The following UBE2G2 variants were observed in gnomAD, a reference collection of about 807,000 sequenced individuals.
UBE2G2 encodes the protein ubiquitin conjugating enzyme E2 G2, also known as ubiquitin-conjugating enzyme E2 G2.
UBE2G2 carries 10 observed loss-of-function variants against 23.0 expected under a neutral mutation model. The ratio of observed to expected loss-of-function variants is 0.43; its 90% confidence interval spans 0.27 to 0.74. The LOEUF (loss-of-function observed/expected upper bound fraction) is 0.74. Ranked by LOEUF, UBE2G2 falls within the 30% of genes least tolerant of loss-of-function variation. The pLI is 0.19. For missense variants in UBE2G2, 150 were observed against 218.3 expected (o/e 0.69, Z 1.97); for synonymous variants, 86 against 81.3 (o/e 1.06, Z -0.31).
In UBE2G2 at chr21:44,775,994, T is replaced by C. The variant is rs139650786; in HGVS notation, c.244+1305A>G. Among the ~76,000 whole-genome samples, 589 of 152,212 alleles carry C rather than the reference T, an allele frequency of 3.9e-3. 4 individuals carry two copies. The highest frequency in any genetic ancestry group is 0.012 in the African/African-American group (509 of 41,516). On this transcript the variant is annotated intron_variant, in intron 4 of 5. Coordinates refer to ENST00000345496, the MANE Select transcript of UBE2G2 (RefSeq NM_003343.6). ...TTGAGATAAGAAAAGAAGTACCAAA[T>C]GGTCTCTCTCAGGCAGCCGCCCACT...
intron 1 of UBE2G2, among the ~76,000 whole-genome samples, chr21:44,795,715 G>T (rs1258861185): frequency 6.6e-6 from 1 of 151,926 alleles, no homozygotes; most frequent in Non-Finnish European, 1.5e-5. Context: ...TGGGGCAACG[G>T]GAACACTTAA....
At chr21:44,779,255 C>T in intron 3 of UBE2G2, 1 of 427,886 alleles carries the variant, frequency 2.3e-6, no homozygotes, top group African/African-American at 2.1e-5. Flanking sequence ...GCAGTGATTG[C>T]TTCATGGAGA....
chr21:44,787,866 T>C (rs2146397307), intron 3 of UBE2G2, 54 bp downstream of exon 3: 1 of 1,590,054 alleles, frequency 6.3e-7, no homozygotes, highest in East Asian at 2.2e-5. Flanking sequence ...ATGTGATTCT[T>C]ACATCTGACT....
intron 3 of UBE2G2, among the ~76,000 whole-genome samples, chr21:44,784,610 C>A (rs2082981414): frequency 6.6e-6 from 1 of 152,110 alleles, no homozygotes; most frequent in African/African-American, 2.4e-5. Context: ...AACAAGAAAC[C>A]TGGACATAAA....
rs1555961438 is a variant in UBE2G2, at chr21:44,782,307, CT to C, written c.126-4891del. Among the ~76,000 whole-genome samples the C allele has an allele frequency of 2.6e-5, 4 of 152,044 alleles. No homozygotes were observed. The East Asian group carries it at 7.7e-4, about 29-fold the overall frequency. On this transcript the variant is annotated intron_variant, in intron 3 of 5. Coordinates refer to ENST00000345496, the MANE Select transcript of UBE2G2 (RefSeq NM_003343.6). The stretch of plus-strand genomic sequence containing the variant: ...GGCATTGCTGAGAATTTTAAAACAC[CT>C]AAATAAATGGAGAGACAGTCCATGT...
intron 1 of UBE2G2, among the ~76,000 whole-genome samples, chr21:44,793,328 T>C (rs1218048786): frequency 6.6e-6 from 1 of 152,206 alleles, no homozygotes; most frequent in Non-Finnish European, 1.5e-5. Flanking sequence ...GGCTTTATTC[T>C]TCATCTGGAG....
At chr21:44,777,454 T>C (rs1555960733) in intron 3 of UBE2G2, 37 bp from the exon 4 acceptor site, 1 of 1,594,782 alleles carries the variant, frequency 6.3e-7, no homozygotes, top group Non-Finnish European at 8.6e-7. Context: ...AACTTCAAAG[T>C]ACATTTTTCA....
Position 44,771,980 on chromosome 21 carries a change from C to T in UBE2G2, c.386-491G>A, listed in dbSNP as rs1282846867. On this transcript the variant is annotated intron_variant, in intron 5 of 5. Transcript: ENST00000345496. This position sits in a 1 kb window ranked among gnomAD's most constrained non-coding sequence, Gnocchi z 4.6. ...GCAAATGTGCAGCCTAAGGTAGACA[C>T]CTGACCCCAGGATACCTGACCCACC... Among the ~76,000 whole-genome samples the T allele has an allele frequency of 1.3e-5, 2 of 152,170 alleles. No individual in the cohort carries two copies. The highest frequency in any genetic ancestry group is 2.4e-5 in the African/African-American group (1 of 41,438).
chr21:44,785,038 G>A (rs189742966), intron 3 of UBE2G2, among the ~76,000 whole-genome samples: 7 of 152,238 alleles, frequency 4.6e-5, no homozygotes, highest in Admixed American at 2.0e-4. Flanking sequence ...CTACACCCCC[G>A]TCACCGTGGC....
chr21:44,795,517 A>G (rs1167358973), intron 1 of UBE2G2, among the ~76,000 whole-genome samples: 3 of 152,060 alleles, frequency 2.0e-5, no homozygotes, highest in Non-Finnish European at 4.4e-5. Flanking sequence ...CTGTAATCCC[A>G]GCTTCTTGGG....
chr21:44,784,468 G>C (rs1007941033), intron 3 of UBE2G2, among the ~76,000 whole-genome samples: 1 of 152,074 alleles, frequency 6.6e-6, no homozygotes, highest in African/African-American at 2.4e-5. Context: ...GGATCTTTGT[G>C]ACACTTTTGT....
intron 4 of UBE2G2, chr21:44,777,086 GC>G (rs1430433101): frequency 1.1e-5 from 5 of 473,998 alleles, no homozygotes; most frequent in African/African-American, 1.0e-4. Context: ...GGTTTTAGGT[GC>G]CTGTTGTCTT....
intron 2 of UBE2G2, 34 bp downstream of exon 2, chr21:44,788,020 TTAAAAG>T (rs1430883167): frequency 6.2e-7 from 1 of 1,610,990 alleles, no homozygotes; most frequent in Non-Finnish European, 8.5e-7. Context: ...ACTTTGGCAA[TTAAAAG>T]TAAATTATAA....
intron 3 of UBE2G2, chr21:44,779,288 C>T: frequency 2.7e-6 from 1 of 372,206 alleles, no homozygotes; most frequent in Non-Finnish European, 5.1e-6. Context: ...ATCTAAAAGA[C>T]AAATTTTGAT....
At chr21:44,797,463 T>C (rs2008604) in intron 1 of UBE2G2, among the ~76,000 whole-genome samples, 18 of 152,136 alleles carry the variant, frequency 1.2e-4, no homozygotes, top group Non-Finnish European at 1.9e-4. Flanking sequence ...ACGCCTGTAA[T>C]CCCAGCACTT....
At position 44,777,312 on chromosome 21, in the gene UBE2G2, C is replaced by T. The variant is rs782673358; in HGVS notation, c.231G>A (p.Met77Ile). The T allele has an allele frequency of 1.4e-5, 23 of 1,613,790 alleles. No individual in the cohort carries two copies. The South Asian group carries it at 1.6e-4, about 12-fold the overall frequency. Reference protein sequence around the residue: ...SPPKMRFTCEMFHPNIYPDGR... With the variant: ...SPPKMRFTCEIFHPNIYPDGR... The stretch of plus-strand genomic sequence containing the variant: ...AAAAGCACTTACTGTTGGGATGAAA[C>T]ATCTCACAGGTAAATCTCATCTTTG... Residue 77 changes from methionine to isoleucine, a missense_variant, in exon 4 of 6, where the codon ATG becomes ATA. By Grantham distance (10) the Met-to-Ile change is conservative (BLOSUM62 1). Coordinates refer to ENST00000345496, the MANE Select transcript of UBE2G2 (RefSeq NM_003343.6).
rs1248051843 is a variant in UBE2G2, at chr21:44,774,427, T to C, written c.245-740A>G. 4 of 225,962 alleles carry C rather than the reference T, an allele frequency of 1.8e-5. No homozygotes were observed. The South Asian group carries it at 2.0e-4, about 12-fold the overall frequency. 14.0% of individuals were successfully genotyped at this position (225,962 alleles called of 1,614,324 possible). A position where few individuals can be genotyped will look rare whatever the true frequency, so the allele number is the denominator to read the frequency against. ...TCAGATATGCAGTAATCCATCTAGA[T>C]AGACTCAACTGTAAAATTATAAAGC... On this transcript the variant is annotated intron_variant, in intron 4 of 5. Coordinates refer to ENST00000345496, the MANE Select transcript of UBE2G2 (RefSeq NM_003343.6).
At chr21:44,780,613 C>T (rs931847495) in intron 3 of UBE2G2, among the ~76,000 whole-genome samples, 17 of 152,152 alleles carry the variant, frequency 1.1e-4, no homozygotes, top group African/African-American at 3.1e-4. Context: ...ACAGGAGGCA[C>T]GCTTGCAACA....
chr21:44,771,030 G>A lies in UBE2G2; in HGVS notation c.*347C>T, dbSNP rs927990434. 2.5e-5 allele frequency: 5 copies of A among 202,692 alleles called. No homozygotes were observed. In the South Asian group the frequency reaches 3.1e-4, roughly 13 times the overall value. 12.6% of individuals were successfully genotyped at this position (202,692 alleles called of 1,614,324 possible). ...TATTCCATCGTCCCCTGGAAGTCTG[G>A]CAGGTACAACCCCCTCAACACTCCA... is the stretch of plus-strand genomic sequence containing the variant. On this transcript the variant is annotated 3_prime_UTR_variant, in exon 6 of 6. Coordinates refer to ENST00000345496, the MANE Select transcript of UBE2G2 (RefSeq NM_003343.6). The surrounding 1 kb of genome is among the most constrained non-coding windows in gnomAD (Gnocchi z 4.6).
Sources: gnomAD v4.1 joint callset for allele counts (sites outside exome capture counted in the v4.1 genomes callset) on GRCh38, gnomAD v4.1.1 for gene constraint, Gnocchi (gnomAD v3.1) non-coding constraint, MANE v1.5 for transcripts, NCBI Gene and HGNC (gene_info 2026-07-23, HGNC 2026-07-21) for gene names.